CACNB2: variants seen among roughly 807,000 people sequenced by gnomAD.
CACNB2 encodes the protein voltage-dependent L-type calcium channel subunit beta-2.
CACNB2 carries 42 observed loss-of-function variants against 73.3 expected under a neutral mutation model. That is an observed-to-expected ratio of 0.57 (90% CI 0.45 to 0.74). The LOEUF (loss-of-function observed/expected upper bound fraction) is 0.74. Among genes scored for constraint, CACNB2 ranks in the 30% least tolerant of loss-of-function variants. CACNB2 has a pLI of 0.00. For synonymous variants in CACNB2, 348 were observed against 310.3 expected, an observed-to-expected ratio of 1.12 and a Z score of -1.28; for missense variants, 940 against 853.0, an observed-to-expected ratio of 1.10 and a Z score of -1.27.
chr10:18,157,748 G>A (rs2032163629), intron 2 of CACNB2, among the ~76,000 whole-genome samples: 1 of 152,140 alleles, frequency 6.6e-6, no homozygotes, highest in Admixed American at 6.5e-5. Flanking sequence ...GTAGCTAAAG[G>A]AAATGAATAA....
At chr10:18,420,651 T>C (rs7912753) in intron 3 of CACNB2, among the ~76,000 whole-genome samples, 135,514 of 152,104 alleles carry the variant, frequency 0.89, 60,713 homozygotes, top group African/African-American at 0.97. Flanking sequence ...AAATGCTAAT[T>C]TCACCCCAAA....
At chr10:18,415,141 A>G (rs749890078) in intron 3 of CACNB2, among the ~76,000 whole-genome samples, 6 of 152,180 alleles carry the variant, frequency 3.9e-5, no homozygotes, top group Non-Finnish European at 4.4e-5. Flanking sequence ...AAAAATGTGT[A>G]TCACTGAGTA....
chr10:18,460,555 CA>C (rs1323063460), intron 3 of CACNB2, among the ~76,000 whole-genome samples: 1 of 151,812 alleles, frequency 6.6e-6, no homozygotes, highest in Non-Finnish European at 1.5e-5. Flanking sequence ...TTCTTTTCGG[CA>C]GGTTAAAAAG....
At chr10:18,201,324 G>T (rs1787020899) in intron 2 of CACNB2, among the ~76,000 whole-genome samples, 1 of 150,730 alleles carries the variant, frequency 6.6e-6, no homozygotes, top group African/African-American at 2.4e-5. Flanking sequence ...AGCCAGGCTG[G>T]AGTACAGCGG....
intron 2 of CACNB2, among the ~76,000 whole-genome samples, chr10:18,335,597 ACATATTAAGTC>A (rs1381759039): frequency 3.3e-5 from 5 of 152,060 alleles, no homozygotes; most frequent in African/African-American, 9.7e-5. Context: ...AAAAATATAT[ACATATTAAGTC>A]CATCACTTCC....
chr10:18,327,777 A>G (rs2040642527), intron 2 of CACNB2, among the ~76,000 whole-genome samples: 1 of 152,228 alleles, frequency 6.6e-6, no homozygotes, highest in Non-Finnish European at 1.5e-5. Flanking sequence ...TCTGCTGAAG[A>G]CAGAAATTTA....
At chr10:18,233,359 T>G (rs1159418553) in intron 2 of CACNB2, among the ~76,000 whole-genome samples, 1 of 152,176 alleles carries the variant, frequency 6.6e-6, no homozygotes, top group Non-Finnish European at 1.5e-5. Flanking sequence ...TTTCTATGTT[T>G]AGTGACCTTA....
At chr10:18,266,295 A>T (rs1412597290) in intron 2 of CACNB2, among the ~76,000 whole-genome samples, 1 of 152,188 alleles carries the variant, frequency 6.6e-6, no homozygotes, top group Non-Finnish European at 1.5e-5. Flanking sequence ...GGATGGTCAA[A>T]CTGAGATTCA....
At chr10:18,411,231 A>C (rs1005557077) in intron 3 of CACNB2, among the ~76,000 whole-genome samples, 1 of 150,720 alleles carries the variant, frequency 6.6e-6, no homozygotes, top group Admixed American at 6.6e-5. Flanking sequence ...TCAAATACGC[A>C]TTAGCTTAGA....
At chr10:18,177,153 C>G (rs2033641712) in intron 2 of CACNB2, among the ~76,000 whole-genome samples, 1 of 152,038 alleles carries the variant, frequency 6.6e-6, no homozygotes, top group African/African-American at 2.4e-5. Flanking sequence ...GATCACCCAT[C>G]AAATCATGTG....
intron 2 of CACNB2, among the ~76,000 whole-genome samples, chr10:18,283,371 G>C (rs1234431640): frequency 6.6e-6 from 1 of 152,114 alleles, no homozygotes; most frequent in African/African-American, 2.4e-5. Flanking sequence ...ACATGCACAG[G>C]TATATTTATT....
intron 2 of CACNB2, among the ~76,000 whole-genome samples, chr10:18,348,047 G>A (rs1356868577): frequency 6.6e-6 from 1 of 152,116 alleles, no homozygotes; most frequent in Non-Finnish European, 1.5e-5. Flanking sequence ...GAAAAAAGAA[G>A]AGCCTCATGA....
chr10:18,390,376 C>A (rs879358841), intron 2 of CACNB2, among the ~76,000 whole-genome samples: 7 of 152,178 alleles, frequency 4.6e-5, no homozygotes, highest in Admixed American at 4.6e-4. Context: ...CCATGCCTGG[C>A]TAATTTTTGT....
intron 3 of CACNB2, among the ~76,000 whole-genome samples, chr10:18,493,325 G>A (rs545292242): frequency 8.3e-4 from 127 of 152,152 alleles, no homozygotes; most frequent in African/African-American, 2.9e-3. Context: ...TGGCCACCAC[G>A]CCTGGCTAAT....
chr10:18,302,275 CG>C (rs1301300791), intron 2 of CACNB2, among the ~76,000 whole-genome samples: 2 of 145,072 alleles, frequency 1.4e-5, no homozygotes, highest in African/African-American at 5.0e-5. Flanking sequence ...AGGGGTGGGT[CG>C]GGGGGCGCTT....
chr10:18,474,128 T>C (rs1398404848), intron 3 of CACNB2, among the ~76,000 whole-genome samples: 2 of 152,200 alleles, frequency 1.3e-5, no homozygotes, highest in Non-Finnish European at 2.9e-5. Context: ...CATATAATTA[T>C]AGTTTTGGGT....
chr10:18,214,125 G>A (rs1172601027), intron 2 of CACNB2, among the ~76,000 whole-genome samples: 4 of 152,144 alleles, frequency 2.6e-5, no homozygotes, highest in African/African-American at 4.8e-5. Context: ...GTGTGGGAAA[G>A]GTGAATTTTT....
chr10:18,292,568 A>G (rs1362364320), intron 2 of CACNB2, among the ~76,000 whole-genome samples: 1 of 152,178 alleles, frequency 6.6e-6, no homozygotes, highest in African/African-American at 2.4e-5. Context: ...AGGCAGAAGA[A>G]TCGCTTGAAC....
intron 3 of CACNB2, among the ~76,000 whole-genome samples, chr10:18,455,522 A>T (rs1019634365): frequency 1.3e-5 from 2 of 152,196 alleles, no homozygotes; most frequent in Admixed American, 1.3e-4. Context: ...CACACAGGTA[A>T]ATACCAACTG....
Sources: gnomAD v4.1 joint callset for allele counts (sites outside exome capture counted in the v4.1 genomes callset) on GRCh38, gnomAD v4.1.1 for gene constraint, MANE v1.5 for transcripts, NCBI Gene and HGNC (gene_info 2026-07-23, HGNC 2026-07-21) for gene names.